TTLL4: variants seen among roughly 807,000 people sequenced by gnomAD.
The protein encoded by TTLL4 is tubulin tyrosine ligase like 4.
Under a neutral mutation model 122.7 loss-of-function variants are expected in TTLL4, and 85 were observed. The ratio of observed to expected loss-of-function variants is 0.69; its 90% CI spans 0.58 to 0.83. TTLL4 has a LOEUF of 0.83. TTLL4 is among the 40% of genes least tolerant of loss of function. TTLL4 has a pLI of 0.00. For missense variants in TTLL4, 1,363 were observed against 1,488.6 expected (o/e 0.92, Z 1.39); for synonymous variants, 553 against 563.0 (o/e 0.98, Z 0.25).
chr2:218,744,528 A>T (rs187995234), intron 5 of TTLL4, among the ~76,000 whole-genome samples: 1 of 152,336 alleles, frequency 6.6e-6, no homozygotes, highest in Admixed American at 6.5e-5. Context: ...TGTTACATAA[A>T]ATTACAGTGT....
Position 218,754,584 on chromosome 2 carries a change from GGA to G in TTLL4, c.*196_*197del. 1 of 751,668 alleles carries G rather than the reference GGA, an allele frequency of 1.3e-6. No homozygotes were observed. The highest frequency in any genetic ancestry group is 2.1e-6 in the Non-Finnish European group (1 of 478,178). 46.6% of individuals were successfully genotyped at this position (751,668 alleles called of 1,614,324 possible). A position where few individuals can be genotyped will look rare whatever the true frequency, so the allele number is the denominator to read the frequency against. ...GATGGTAGTGATGGGGAGAAGGTGAGGAAGGGTCACCCTCTGTCACCTGTCTG... is the reference window on the plus strand; with the variant it reads ...GATGGTAGTGATGGGGAGAAGGTGAGAGGGTCACCCTCTGTCACCTGTCTG... On this transcript the variant is annotated 3_prime_UTR_variant, in exon 20 of 20. Coordinates refer to ENST00000392102, the MANE Select transcript of TTLL4 (RefSeq NM_014640.5).
At chr2:218,741,065 T>G (rs958247473) in intron 5 of TTLL4, among the ~76,000 whole-genome samples, 1 of 151,728 alleles carries the variant, frequency 6.6e-6, no homozygotes. Context: ...GGAGCAAGAC[T>G]TTGTCTCAAA....
At chr2:218,734,531 G>C (rs138938155) in intron 2 of TTLL4, among the ~76,000 whole-genome samples, 109 of 152,290 alleles carry the variant, frequency 7.2e-4, no homozygotes, top group African/African-American at 2.4e-3. Flanking sequence ...AGGGAAGACT[G>C]CCTAGGTCAT....
At chr2:218,746,329 A>G (rs1942841951) in intron 8 of TTLL4, 98 bp downstream of exon 8, 1 of 1,349,042 alleles carries the variant, frequency 7.4e-7, no homozygotes, top group Non-Finnish European at 1.1e-6. Flanking sequence ...GAAGAGGATG[A>G]TGACCATGGA....
In TTLL4 at chr2:218,738,181, T is replaced by TCCATGGCCCAGC. The variant is rs759012145; in HGVS notation, c.514_525dup (p.Gln172_Ala175dup). 6.2e-7 allele frequency: 1 copy of TCCATGGCCCAGC among 1,613,996 alleles called. No individual in the cohort carries two copies. The highest frequency in any genetic ancestry group is 8.5e-7 in the Non-Finnish European group (1 of 1,180,000). On this transcript the variant is annotated inframe_insertion, in exon 3 of 20. Coordinates refer to ENST00000392102, the MANE Select transcript of TTLL4 (RefSeq NM_014640.5). ...CAAGGCCACTTCTTCCATGGTCTTC[T>TCCATGGCCCAGC]CCATGGCCCAGCCCATGGCCTCCTC...
intron 1 of TTLL4, among the ~76,000 whole-genome samples, chr2:218,714,463 A>G (rs1018851055): frequency 6.6e-6 from 1 of 152,200 alleles, no homozygotes; most frequent in Non-Finnish European, 1.5e-5. Flanking sequence ...GCTTTGGTAA[A>G]TCACCAAAAG....
At chr2:218,725,588 C>T (rs756320932) in intron 1 of TTLL4, among the ~76,000 whole-genome samples, 17 of 151,938 alleles carry the variant, frequency 1.1e-4, no homozygotes, top group Middle Eastern at 3.4e-3. Context: ...CAAAGTCTTA[C>T]GCTGTCGTCC....
downstream of TTLL4, among the ~76,000 whole-genome samples, chr2:218,757,478 A>T (rs920043831): frequency 6.6e-6 from 1 of 152,248 alleles, no homozygotes; most frequent in African/African-American, 2.4e-5. Context: ...TTATTTCAAG[A>T]GAAGCTTTGA....
rs1942950104 is a variant in TTLL4 at position 218,749,274 on chromosome 2, C to G, written c.2622C>G (p.Ser874Arg). 6.2e-7 allele frequency: 1 copy of G among 1,614,120 alleles called. No individual in the cohort carries two copies. The highest frequency in any genetic ancestry group is 1.3e-5 in the African/African-American group (1 of 75,016). ...CCAGGTCAGAGCCCTATGTGACCAGCCTGCTCAAGATGTATGTGCGACGGC... is the reference window on the plus strand; with the variant it reads ...CCAGGTCAGAGCCCTATGTGACCAGGCTGCTCAAGATGTATGTGCGACGGC... ...TIISSEPYVT[S>R]LLKMYVRRPY... The change falls in exon 14 of 20, where the codon AGC becomes AGG. Residue 874 changes from serine to arginine, a missense_variant. By Grantham distance (110) the Ser-to-Arg change is moderately radical. This residue lies in a region of TTLL4 where 596 missense variants were observed against 655.8 expected (regional missense o/e 0.91). Coordinates refer to ENST00000392102, the MANE Select transcript of TTLL4 (RefSeq NM_014640.5).
rs746082550 is a variant in TTLL4, at chr2:218,752,733, C to T, written c.2977-30C>T. On this transcript the variant is annotated intron_variant, in intron 16 of 19. Transcript: ENST00000392102. ...TGCCCCTGGCTTACACTCTCTCACA[C>T]CCTTTTTCTCCCTGTTCCTTGGACC... is the stretch of plus-strand genomic sequence containing the variant. 7 of 1,612,510 alleles carry T rather than the reference C, an allele frequency of 4.3e-6. No individual in the cohort carries two copies. The South Asian group carries it at 5.5e-5, about 13-fold the overall frequency.
chr2:218,753,141 T>C lies in TTLL4; in HGVS notation c.3214T>C (p.Tyr1072His). ...AGTAGATCTGCTCCGGAGTTGGTGC[T>C]ACAAAGGGTTCCACATGGGAGTTGT... ...KGVDLLRSWC[Y>H]KGFHMGVVSD... Residue 1072 changes from tyrosine to histidine, a missense_variant, in exon 18 of 20, where the codon TAC (tyrosine) becomes CAC (histidine). Around this residue, in one of 3 missense-constraint regions of TTLL4, gnomAD observed 596 missense variants for 655.8 expected, o/e 0.91. Transcript: ENST00000392102. The C allele has an allele frequency of 6.2e-7, 1 of 1,614,088 alleles. No homozygotes were observed.
chr2:218,748,578 C>CT (rs1942914318), intron 12 of TTLL4: 1 of 434,540 alleles, frequency 2.3e-6, no homozygotes, highest in Non-Finnish European at 4.1e-6. Flanking sequence ...TCACTTGAAC[C>CT]TGGGGGACGG....
rs1051935815 is a variant in TTLL4, at chr2:218,738,390, C to T, written c.714C>T (p.Gly238=). The change falls in exon 3 of 20, where the codon GGC becomes GGT. Residue 238 remains glycine, a synonymous_variant. Coordinates refer to ENST00000392102, the MANE Select transcript of TTLL4 (RefSeq NM_014640.5). ...TGCCTTTATTGCAGACCACACAGGG[C>T]CTGAAGCCAGTATCGCCACCCAAGA... ...TPVPLLQTTQ[G]LKPVSPPKIQ... 1.9e-6 allele frequency: 3 copies of T among 1,614,156 alleles called. No individual in the cohort carries two copies. In the Admixed American group the frequency reaches 5.0e-5, roughly 27 times the overall value.
chr2:218,712,575 G>A (rs1208217495), intron 1 of TTLL4, among the ~76,000 whole-genome samples: 2 of 152,050 alleles, frequency 1.3e-5, no homozygotes, highest in African/African-American at 4.8e-5. Flanking sequence ...TTTTAGTAGA[G>A]ACGGGGTTTC....
intron 16 of TTLL4, among the ~76,000 whole-genome samples, chr2:218,752,175 T>C (rs1243931171): frequency 6.6e-6 from 1 of 152,250 alleles, no homozygotes; most frequent in Admixed American, 6.5e-5. Context: ...CCCGAAGTGC[T>C]GGGATTACAG....
chr2:218,751,886 TCTTTTTTTTTTTCTTTTCTTTTTC>T (rs1943025605), intron 16 of TTLL4, 80 bp downstream of exon 16: 1 of 987,128 alleles, frequency 1.0e-6, no homozygotes, highest in Non-Finnish European at 1.4e-6. Flanking sequence ...AAACAGCTTT[TCTTTTTTTTTTTCTTTTCTTTTTC>T]TTTTTTTTTT....
At chr2:218,729,677 A>C (rs1006744867) in intron 2 of TTLL4, among the ~76,000 whole-genome samples, 1 of 150,744 alleles carries the variant, frequency 6.6e-6, no homozygotes, top group Non-Finnish European at 1.5e-5. Context: ...GACCTTACTA[A>C]ACTTGGTTAT....
intron 5 of TTLL4, among the ~76,000 whole-genome samples, chr2:218,744,717 T>C (rs2037622): frequency 0.49 from 74,881 of 151,984 alleles, 19,129 homozygotes; most frequent in African/African-American, 0.59. Flanking sequence ...TCGTAATTTT[T>C]ACATCATTCT....
Position 218,737,706 on chromosome 2 carries a change from T to C in TTLL4, c.30T>C (p.Ser10=). Residue 10 remains serine, a synonymous_variant, in exon 3 of 20, where the codon AGT becomes AGC. Transcript: ENST00000392102. ...CCTCAGCAGGAACACAGCACTATAG[T>C]ATTGGCCTCCGCCAGAAAAACAGCT... MASAGTQHY[S]IGLRQKNSFK... 6.2e-7 allele frequency: 1 copy of C among 1,611,404 alleles called. No homozygotes were observed. Among genetic ancestry groups the C allele is most frequent in the Non-Finnish European group, 8.5e-7 (1 of 1,178,658 alleles).
Sources: gnomAD v4.1 joint callset for allele counts (sites outside exome capture counted in the v4.1 genomes callset) on GRCh38, gnomAD v4.1.1 for gene constraint, gnomAD v4.1.1 regional missense constraint, MANE v1.5 for transcripts, NCBI Gene and HGNC (gene_info 2026-07-23, HGNC 2026-07-21) for gene names.